Variants in PIGU observed in about 807,000 individuals in gnomAD.
The protein encoded by PIGU is GPI-anchor transamidase component PIGU.
A neutral mutation model predicts 49.9 loss-of-function variants in PIGU; 24 were observed. That is an observed-to-expected ratio of 0.48 (90% CI 0.35 to 0.68). The LOEUF (loss-of-function observed/expected upper bound fraction) is 0.68. PIGU is among the 30% of genes least tolerant of loss of function. The probability of loss-of-function intolerance (pLI) is 0.01; values close to 1 mark genes in which losing one functional copy is unlikely to be tolerated. For synonymous variants in PIGU, 220 were observed against 205.7 expected (o/e 1.07, Z -0.59); for missense variants, 490 against 532.6 (o/e 0.92, Z 0.79).
chr20:34,590,518 C>T (rs575749638), intron 7 of PIGU, among the ~76,000 whole-genome samples: 6 of 151,020 alleles, frequency 4.0e-5, no homozygotes, highest in South Asian at 2.1e-4. Flanking sequence ...GATTGCACCA[C>T]GGCTGCACTC....
At chr20:34,638,519 A>C (rs1049573274) in intron 4 of PIGU, among the ~76,000 whole-genome samples, 3 of 152,242 alleles carry the variant, frequency 2.0e-5, no homozygotes, top group African/African-American at 7.2e-5. Context: ...TTGAATGGCT[A>C]AATGAATGAC....
At chr20:34,657,988 T>C (rs901808836) in intron 1 of PIGU, among the ~76,000 whole-genome samples, 1 of 147,642 alleles carries the variant, frequency 6.8e-6, no homozygotes, top group South Asian at 2.1e-4. Context: ...TCCCTCTCCC[T>C]CTCTTTCCAC....
At chr20:34,667,653 C>G (rs1478532886) in intron 1 of PIGU, among the ~76,000 whole-genome samples, 1 of 152,094 alleles carries the variant, frequency 6.6e-6, no homozygotes, top group African/African-American at 2.4e-5. Context: ...AAAGAAATGA[C>G]AACTCTTCCT....
chr20:34,623,013 C>T (rs1985303417), intron 6 of PIGU, among the ~76,000 whole-genome samples: 1 of 152,148 alleles, frequency 6.6e-6, no homozygotes, highest in Non-Finnish European at 1.5e-5. Flanking sequence ...CCAGGGACTG[C>T]ACCTCACAGC....
At chr20:34,607,601 A>G (rs964762936) in intron 7 of PIGU, among the ~76,000 whole-genome samples, 1 of 152,334 alleles carries the variant, frequency 6.6e-6, no homozygotes, top group African/African-American at 2.4e-5. Flanking sequence ...CATTTGTGCA[A>G]CCTGATACCT....
chr20:34,622,235 C>A (rs967102383), intron 6 of PIGU, among the ~76,000 whole-genome samples: 11 of 152,058 alleles, frequency 7.2e-5, no homozygotes, highest in African/African-American at 2.7e-4. Context: ...AAGTTACAAT[C>A]CGGCTGGGCG....
chr20:34,590,983 T>C (rs1459541995), intron 7 of PIGU, among the ~76,000 whole-genome samples: 1 of 151,128 alleles, frequency 6.6e-6, no homozygotes. Context: ...ATTGCACCAC[T>C]GCACTCCAGC....
intron 11 of PIGU, chr20:34,562,335 C>T: frequency 5.7e-6 from 5 of 882,428 alleles, no homozygotes; most frequent in Non-Finnish European, 6.8e-6. Context: ...GATGGGGAGA[C>T]TGAGGCACAG....
intron 1 of PIGU, among the ~76,000 whole-genome samples, chr20:34,666,687 CTTTTTTTTTTTTTTTT>C (rs918644106): frequency 1.4e-4 from 13 of 90,606 alleles, no homozygotes; most frequent in Admixed American, 1.4e-3. Context: ...CTGACTAATT[CTTTTTTTTTTTTTTTT>C]TTTTTTTTTT....
rs200459297 is a variant in PIGU, at chr20:34,568,232, G to A, written c.1194+6872C>T. On this transcript the variant is annotated intron_variant, in intron 11 of 11. Transcript: ENST00000217446. ...TTCTGTGGCCTTTGTCCTGCTGTAT[G>A]TAGCCTGGGCTCTTCCTGTCACTCT... 7.9e-5 allele frequency among the ~76,000 whole-genome samples: 12 copies of A among 152,324 alleles called. No homozygotes were observed. In the East Asian group the frequency reaches 1.7e-3, roughly 22 times the overall value.
chr20:34,597,629 G>A (rs573937906), intron 7 of PIGU, among the ~76,000 whole-genome samples: 1 of 152,274 alleles, frequency 6.6e-6, no homozygotes, highest in East Asian at 1.9e-4. Flanking sequence ...TCCAGTTGAT[G>A]CTTATGCTGA....
At chr20:34,571,069 G>A (rs1266645950) in intron 11 of PIGU, among the ~76,000 whole-genome samples, 1 of 152,138 alleles carries the variant, frequency 6.6e-6, no homozygotes, top group Non-Finnish European at 1.5e-5. Context: ...TCATCATCCC[G>A]GTTTTTGAGA....
intron 1 of PIGU, among the ~76,000 whole-genome samples, chr20:34,665,599 C>T (rs1342218993): frequency 6.6e-6 from 1 of 152,088 alleles, no homozygotes; most frequent in African/African-American, 2.4e-5. Flanking sequence ...CTCAGCCTCC[C>T]AAAGTGCTGG....
intron 1 of PIGU, among the ~76,000 whole-genome samples, chr20:34,659,779 T>C: frequency 6.6e-6 from 1 of 152,154 alleles, no homozygotes; most frequent in Non-Finnish European, 1.5e-5. Flanking sequence ...CTGAAACATG[T>C]GCTGTGTCCA....
intron 1 of PIGU, among the ~76,000 whole-genome samples, chr20:34,664,172 T>C (rs1026865110): frequency 3.9e-5 from 6 of 152,186 alleles, no homozygotes; most frequent in African/African-American, 1.4e-4. Flanking sequence ...GTCTTTCTTT[T>C]TTGAGACTCA....
At chr20:34,607,238 G>T (rs1201797942) in intron 7 of PIGU, among the ~76,000 whole-genome samples, 1 of 152,162 alleles carries the variant, frequency 6.6e-6, no homozygotes, top group Non-Finnish European at 1.5e-5. Flanking sequence ...TCCTGGCGAC[G>T]GCCCCACCCT....
intron 6 of PIGU, among the ~76,000 whole-genome samples, chr20:34,631,485 C>T (rs1600643692): frequency 6.6e-6 from 1 of 150,802 alleles, no homozygotes; most frequent in African/African-American, 2.4e-5. Context: ...TTTAAAAAGA[C>T]GCATGTCCAG....
At chr20:34,570,891 G>GT (rs1181152219) in intron 11 of PIGU, among the ~76,000 whole-genome samples, 1 of 151,954 alleles carries the variant, frequency 6.6e-6, no homozygotes, top group Admixed American at 6.6e-5. Context: ...AAATAAAAGG[G>GT]TTAAAAAAAA....
intron 11 of PIGU, among the ~76,000 whole-genome samples, chr20:34,563,090 A>G (rs940428520): frequency 2.6e-5 from 4 of 152,200 alleles, no homozygotes; most frequent in Non-Finnish European, 5.9e-5. Context: ...TGCAGATAAA[A>G]AAATGGTTGA....
Sources: gnomAD v4.1 joint callset for allele counts (sites outside exome capture counted in the v4.1 genomes callset) on GRCh38, gnomAD v4.1.1 for gene constraint, MANE v1.5 for transcripts, NCBI Gene and HGNC (gene_info 2026-07-23, HGNC 2026-07-21) for gene names.